Variants in MGAT4C observed in about 807,000 individuals in gnomAD.
MGAT4C encodes the protein MGAT4 family member C.
Under a neutral mutation model 40.1 loss-of-function variants are expected in MGAT4C, and 19 were observed. The observed-to-expected ratio is 0.47, with a 90% confidence interval of 0.33 to 0.70. MGAT4C has a LOEUF of 0.70. Among genes scored for constraint, MGAT4C ranks in the 30% least tolerant of loss-of-function variants. MGAT4C has a pLI of 0.02. For synonymous variants in MGAT4C, 181 were observed against 187.1 expected (o/e 0.97, Z 0.27); for missense variants, 491 against 563.2 (o/e 0.87, Z 1.30).
At chr12:86,353,251 C>A (rs1197855995) in intron 3 of MGAT4C, among the ~76,000 whole-genome samples, 1 of 151,936 alleles carries the variant, frequency 6.6e-6, no homozygotes, top group Non-Finnish European at 1.5e-5. Context: ...ATAGGAATTG[C>A]AGAATTGGCT....
At chr12:86,811,570 G>A (rs369850467) in intron 1 of MGAT4C, among the ~76,000 whole-genome samples, 39 of 150,986 alleles carry the variant, frequency 2.6e-4, no homozygotes, top group African/African-American at 7.5e-4. Flanking sequence ...TTGAACTCTC[G>A]TCCTAAAGTG....
chr12:86,583,054 C>A (rs2136436073), intron 2 of MGAT4C, among the ~76,000 whole-genome samples: 1 of 151,326 alleles, frequency 6.6e-6, no homozygotes, highest in Non-Finnish European at 1.5e-5. Flanking sequence ...TATATTGCCT[C>A]CGGCTTACAC....
At position 86,156,612 on chromosome 12, in the gene MGAT4C, C is replaced by T. The variant is rs559291417; in HGVS notation, c.-57+99627G>A. Reference sequence around the variant, plus strand: ...CTGGGAATACAGGTGTGAGCCACCGCGTCCAGCTAAGATTACATTTTTTAA... The same window carrying T: ...CTGGGAATACAGGTGTGAGCCACCGTGTCCAGCTAAGATTACATTTTTTAA... On this transcript the variant is annotated intron_variant, in intron 1 of 4. Coordinates refer to ENST00000611864, the MANE Select transcript of MGAT4C (RefSeq NM_001351288.2). Among the ~76,000 whole-genome samples, 263 of 152,236 alleles carry T rather than the reference C, an allele frequency of 1.7e-3. 1 individual carries two copies. Among genetic ancestry groups the T allele is most frequent in the Non-Finnish European group, 2.9e-3 (200 of 68,016 alleles).
Position 86,308,728 on chromosome 12 carries a change from A to G in MGAT4C, c.-57+25337T>C, listed in dbSNP as rs149017680. ...AATCAAATACAGAAGTCCCCAGTAG[A>G]TAATCATATTTTTCCTGTAGTTATA... On this transcript the variant is annotated intron_variant, in intron 4 of 7. Transcript: ENST00000548651. Among the ~76,000 whole-genome samples, 600 of 150,708 alleles carry G rather than the reference A, an allele frequency of 4.0e-3. 49 individuals carry two copies. The highest frequency in any genetic ancestry group is 0.013 in the African/African-American group (542 of 40,148).
chr12:86,513,892 A>C (rs922306502), intron 2 of MGAT4C, among the ~76,000 whole-genome samples: 13 of 152,126 alleles, frequency 8.5e-5, no homozygotes, highest in Non-Finnish European at 1.5e-4. Flanking sequence ...CAGTTCCACA[A>C]ACAAGGTAGC....
intron 4 of MGAT4C, among the ~76,000 whole-genome samples, chr12:86,272,590 C>A (rs1054612139): frequency 6.6e-6 from 1 of 151,988 alleles, no homozygotes. Context: ...GCAGCTCATG[C>A]CTATAATTCC....
chr12:86,433,441 T>C (rs990974507), intron 3 of MGAT4C, among the ~76,000 whole-genome samples: 6 of 151,868 alleles, frequency 4.0e-5, no homozygotes, highest in Non-Finnish European at 7.4e-5. Context: ...AATTGATACT[T>C]TTTTGTTGTT....
chr12:86,492,140 T>A, intron 2 of MGAT4C, among the ~76,000 whole-genome samples: 1 of 152,086 alleles, frequency 6.6e-6, no homozygotes. Context: ...CTCAATGAAA[T>A]AAAAGACTAT....
At chr12:86,427,203 G>A (rs1956944616) in intron 3 of MGAT4C, among the ~76,000 whole-genome samples, 1 of 152,114 alleles carries the variant, frequency 6.6e-6, no homozygotes, top group South Asian at 2.1e-4. Context: ...AGGCAGCTTT[G>A]ATGCTTCCAT....
chr12:86,837,977 C>T (rs1953074043), intron 1 of MGAT4C, among the ~76,000 whole-genome samples: 1 of 152,134 alleles, frequency 6.6e-6, no homozygotes, highest in Non-Finnish European at 1.5e-5. Flanking sequence ...CTTTGCTAAA[C>T]ATTTCTTGTA....
chr12:86,260,104 C>T (rs1952629057), upstream of MGAT4C, among the ~76,000 whole-genome samples: 1 of 151,806 alleles, frequency 6.6e-6, no homozygotes, highest in African/African-American at 2.4e-5. Flanking sequence ...TAAATCTGCT[C>T]AAAAAATGGA....
rs547745531 is a variant in MGAT4C at position 86,587,963 on chromosome 12, T to C, written c.-229+139246A>G. On this transcript the variant is annotated intron_variant, in intron 2 of 7. Transcript: ENST00000548651. ...ATTTCCTTCTCCTGACTGATTGCCC[T>C]GGCCAGAACTTCCAACACTATGTTG... 1.7e-3 allele frequency among the ~76,000 whole-genome samples: 259 copies of C among 152,156 alleles called. 1 individual carries two copies. The highest frequency in any genetic ancestry group is 3.2e-3 in the Non-Finnish European group (217 of 67,978).
intron 1 of MGAT4C, among the ~76,000 whole-genome samples, chr12:86,774,396 CCTCT>C (rs148122088): frequency 0.33 from 30,677 of 92,204 alleles, 9,379 homozygotes; most frequent in Admixed American, 0.47. Context: ...CTCTCTCTCT[CCTCT>C]CTCTCTCTCT....
chr12:86,203,014 CTGTGTGTGTGTGTGTGTGTGTGTG>C (rs10587166), intron 1 of MGAT4C, among the ~76,000 whole-genome samples: 1 of 147,488 alleles, frequency 6.8e-6, no homozygotes, highest in East Asian at 2.0e-4. Context: ...TCACATTTTC[CTGTGTGTGTGTGTGTGTGTGTGTG>C]TGTGTGTGTG....
At chr12:86,212,674 G>A (rs1220101902) in intron 1 of MGAT4C, among the ~76,000 whole-genome samples, 22 of 148,714 alleles carry the variant, frequency 1.5e-4, no homozygotes, top group Non-Finnish European at 3.3e-4. Flanking sequence ...GGATCACGAG[G>A]TCAGGAGATC....
At chr12:86,462,188 A>G (rs557981820) in intron 2 of MGAT4C, among the ~76,000 whole-genome samples, 1 of 152,222 alleles carries the variant, frequency 6.6e-6, no homozygotes, top group Non-Finnish European at 1.5e-5. Context: ...AACTTTCTAG[A>G]ATATATTAAA....
intron 1 of MGAT4C, among the ~76,000 whole-genome samples, chr12:86,063,973 C>G (rs1402837571): frequency 6.6e-6 from 1 of 152,162 alleles, no homozygotes; most frequent in Admixed American, 6.5e-5. Context: ...ACCCCACCAT[C>G]AATATTAGAC....
chr12:86,445,665 A>G (rs1244672854), intron 2 of MGAT4C, among the ~76,000 whole-genome samples: 2 of 152,208 alleles, frequency 1.3e-5, no homozygotes, highest in Non-Finnish European at 2.9e-5. Context: ...AAACTGATGA[A>G]TATCTTTTAA....
intron 1 of MGAT4C, among the ~76,000 whole-genome samples, chr12:86,123,497 A>T (rs1879775576): frequency 6.6e-6 from 1 of 152,132 alleles, no homozygotes; most frequent in African/African-American, 2.4e-5. Flanking sequence ...TTACACATGT[A>T]ATACCAAATC....
Sources: allele counts gnomAD v4.1 joint callset (sites outside exome capture counted in the v4.1 genomes callset), GRCh38; gene constraint gnomAD v4.1.1; transcripts MANE v1.5; gene names NCBI Gene and HGNC (gene_info 2026-07-23, HGNC 2026-07-21).